Variants in RPS6KA1 observed in about 807,000 individuals in gnomAD.
RPS6KA1 encodes ribosomal protein S6 kinase alpha-1.
A neutral mutation model predicts 91.3 loss-of-function variants in RPS6KA1; 48 were observed. That is an observed-to-expected ratio of 0.53 (90% confidence interval 0.42 to 0.67). The LOEUF (loss-of-function observed/expected upper bound fraction) is 0.67, where lower values mean the gene tolerates loss of function less well. RPS6KA1 is among the 30% of genes least tolerant of loss of function. The pLI is 0.00. For synonymous variants in RPS6KA1, 359 were observed against 384.7 expected, an observed-to-expected ratio of 0.93 and a Z score of 0.78; for missense variants, 719 against 960.5, an observed-to-expected ratio of 0.75 and a Z score of 3.32.
At chr1:26,537,366 C>T (rs373250517) in intron 2 of RPS6KA1, among the ~76,000 whole-genome samples, 28 of 152,302 alleles carry the variant, frequency 1.8e-4, no homozygotes, top group East Asian at 1.5e-3. Flanking sequence ...CATCTGGGCA[C>T]GTGAGCTGGA....
chr1:26,542,188 C>T (rs911504471), intron 2 of RPS6KA1, among the ~76,000 whole-genome samples: 1 of 152,240 alleles, frequency 6.6e-6, no homozygotes, highest in Non-Finnish European at 1.5e-5. Flanking sequence ...ACCTCTCTAC[C>T]TTCTTTGCAT....
chr1:26,569,840 C>A (rs1173900138), intron 17 of RPS6KA1, among the ~76,000 whole-genome samples: 8 of 152,174 alleles, frequency 5.3e-5, no homozygotes, highest in Non-Finnish European at 1.2e-4. Context: ...CCCTGGTGGC[C>A]TGAGCTCAGG....
At chr1:26,543,025 C>A in intron 2 of RPS6KA1, 1 of 922,680 alleles carries the variant, frequency 1.1e-6, no homozygotes, top group Non-Finnish European at 1.6e-6. Context: ...CCTGACCCAT[C>A]ATCTGCCCCT....
Position 26,551,024 on chromosome 1 carries a change from A to G in RPS6KA1, c.308-373A>G, listed in dbSNP as rs531494659. Among the ~76,000 whole-genome samples, 1 of 152,228 alleles carries G rather than the reference A, an allele frequency of 6.6e-6. No individual in the cohort carries two copies. Among genetic ancestry groups the G allele is most frequent in the East Asian group, 1.9e-4 (1 of 5,176 alleles). On this transcript the variant is annotated intron_variant, in intron 4 of 21. Coordinates refer to ENST00000374168, the MANE Select transcript of RPS6KA1 (RefSeq NM_002953.4). This position sits in a 1 kb window ranked among gnomAD's most constrained non-coding sequence, Gnocchi z 4.5. ...AAAGCAGAGCTGGTGAAGGCATGCC[A>G]GGGGGAGGTGCAGAGGCAAAGTCTG...
rs144464174 is a variant in RPS6KA1 at position 26,568,068 on chromosome 1, T to C, written c.1591-3381T>C. Among the ~76,000 whole-genome samples, 982 of 152,212 alleles carry C rather than the reference T, an allele frequency of 6.5e-3. 4 individuals are homozygous for C. The highest frequency in any genetic ancestry group is 9.0e-3 in the Non-Finnish European group (610 of 68,010). On this transcript the variant is annotated intron_variant, in intron 17 of 21. Coordinates refer to ENST00000374168, the MANE Select transcript of RPS6KA1 (RefSeq NM_002953.4). ...TGTTTGGCCTGCAAGATAAGGGGTG[T>C]TTTTTGATTTGAGGTATGGTTTAGT... is the stretch of plus-strand genomic sequence containing the variant.
At chr1:26,548,757 C>T (rs1300274156) in intron 4 of RPS6KA1, among the ~76,000 whole-genome samples, 13 of 151,526 alleles carry the variant, frequency 8.6e-5, no homozygotes, top group Non-Finnish European at 1.6e-4. Context: ...CGAGATCGCG[C>T]CACCATACTC....
chr1:26,562,361 A>G (rs2076160909), intron 17 of RPS6KA1, among the ~76,000 whole-genome samples: 2 of 152,234 alleles, frequency 1.3e-5, no homozygotes, highest in Admixed American at 6.5e-5. Flanking sequence ...GAAGAATGGA[A>G]GAATTTCAGA....
chr1:26,572,367 T>C, intron 20 of RPS6KA1, 74 bp downstream of exon 20: 2 of 939,078 alleles, frequency 2.1e-6, no homozygotes, highest in East Asian at 4.8e-5. Context: ...TTTCAGCAGT[T>C]CATGAACAGC....
chr1:26,574,594 C>A lies in RPS6KA1; in HGVS notation c.*393C>A, dbSNP rs186868052. ...AGCTTTGGGATCCCACCCTGGGGAC[C>A]CCCACGATTGGCCACCTGTAGCCAT... On this transcript the variant is annotated 3_prime_UTR_variant, in exon 22 of 22. Coordinates refer to ENST00000374168, the MANE Select transcript of RPS6KA1 (RefSeq NM_002953.4). This position sits in a 1 kb window ranked among gnomAD's most constrained non-coding sequence, Gnocchi z 4.3. 5 of 397,208 alleles carry A rather than the reference C, an allele frequency of 1.3e-5. No individual in the cohort carries two copies. The highest frequency in any genetic ancestry group is 6.2e-5 in the African/African-American group (3 of 48,146). The allele number at this position is 397,208 out of a possible 1,614,324, so 24.6% of individuals were successfully genotyped here. A position where few individuals can be genotyped will look rare whatever the true frequency, so the allele number is the denominator to read the frequency against.
In RPS6KA1 at chr1:26,573,377, G is replaced by A. The variant is rs752794091; in HGVS notation, c.2085+16G>A. ...GCTTGTGAAGGTATGGCCACCCTTGGGCTGCTGGGCATCTGGGGGGTCAGC... is the reference window on the plus strand; with the variant it reads ...GCTTGTGAAGGTATGGCCACCCTTGAGCTGCTGGGCATCTGGGGGGTCAGC... On this transcript the variant is annotated intron_variant, in intron 21 of 21. Coordinates refer to ENST00000374168, the MANE Select transcript of RPS6KA1 (RefSeq NM_002953.4). 123 of 1,613,846 alleles carry A rather than the reference G, an allele frequency of 7.6e-5. No individual in the cohort carries two copies. Among genetic ancestry groups the A allele is most frequent in the Non-Finnish European group, 1.0e-4 (121 of 1,179,956 alleles).
chr1:26,549,465 A>C (rs1052237417), intron 4 of RPS6KA1, among the ~76,000 whole-genome samples: 2 of 152,028 alleles, frequency 1.3e-5, no homozygotes, highest in African/African-American at 4.8e-5. Context: ...GCTACTCAGG[A>C]GGCTGAGGCA....
At position 26,551,591 on chromosome 1, in the gene RPS6KA1, A is replaced by G; in HGVS notation, c.389-53A>G. The stretch of plus-strand genomic sequence containing the variant: ...AGGCCAAGGGAGCCAGGGCCGGAGA[A>G]GCAGATCATAAGGCCGCGCCGACTC... On this transcript the variant is annotated intron_variant, in intron 5 of 21. Coordinates refer to ENST00000374168, the MANE Select transcript of RPS6KA1 (RefSeq NM_002953.4). The surrounding 1 kb of genome is among the most constrained non-coding windows in gnomAD (Gnocchi z 4.5). The G allele has an allele frequency of 6.2e-7, 1 of 1,601,978 alleles. No homozygotes were observed. Among genetic ancestry groups the G allele is most frequent in the Non-Finnish European group, 8.6e-7 (1 of 1,168,962 alleles).
At position 26,554,541 on chromosome 1, in the gene RPS6KA1, G is replaced by A. The variant is rs757621834; in HGVS notation, c.614-55G>A. 5 of 1,563,800 alleles carry A rather than the reference G, an allele frequency of 3.2e-6. No homozygotes were observed. The South Asian group carries it at 3.5e-5, about 11-fold the overall frequency. On this transcript the variant is annotated intron_variant, in intron 8 of 21. Transcript: ENST00000374168. This position sits in a 1 kb window ranked among gnomAD's most constrained non-coding sequence, Gnocchi z 4.6. ...CACGGGGGTTGGGTGTGCAAAGGGT[G>A]GCAGCAAGGAAGGCAGGGGTCCTAA...
At position 26,551,820 on chromosome 1, in the gene RPS6KA1, C is replaced by G; in HGVS notation, c.468+97C>G. Reference sequence around the variant, plus strand: ...CCTGTACAGAATGTGTTTGGTATGGCTTGAACCTGGAACCACCCAGGCCTG... The same window carrying G: ...CCTGTACAGAATGTGTTTGGTATGGGTTGAACCTGGAACCACCCAGGCCTG... On this transcript the variant is annotated intron_variant, in intron 6 of 21. Transcript: ENST00000374168. The surrounding 1 kb of genome is among the most constrained non-coding windows in gnomAD (Gnocchi z 4.5). The G allele has an allele frequency of 8.8e-7, 1 of 1,137,640 alleles. No individual in the cohort carries two copies. Among genetic ancestry groups the G allele is most frequent in the Non-Finnish European group, 1.3e-6 (1 of 760,118 alleles). The allele number at this position is 1,137,640 out of a possible 1,614,324, so 70.5% of individuals were successfully genotyped here. A position where few individuals can be genotyped will look rare whatever the true frequency, so the allele number is the denominator to read the frequency against.
At position 26,556,642 on chromosome 1, in the gene RPS6KA1, G is replaced by A. The variant is rs1254173711; in HGVS notation, c.917-12G>A. 2.5e-6 allele frequency: 4 copies of A among 1,614,094 alleles called. No homozygotes were observed. In the South Asian group the frequency reaches 4.4e-5, roughly 18 times the overall value. On this transcript the variant is annotated splice_polypyrimidine_tract_variant and intron_variant, in intron 11 of 21. Coordinates refer to ENST00000374168, the MANE Select transcript of RPS6KA1 (RefSeq NM_002953.4). The stretch of plus-strand genomic sequence containing the variant: ...CCAGCCAGGGACAGACCCTTCATTT[G>A]GGCTCTTTCAGGCTCCGGCCCTGAT...
chr1:26,543,429 CT>C (rs1222010154), intron 2 of RPS6KA1, among the ~76,000 whole-genome samples: 13 of 152,212 alleles, frequency 8.5e-5, no homozygotes, highest in Admixed American at 6.5e-4. Flanking sequence ...GCTTGGCCCC[CT>C]CTTAGTCCCT....
Position 26,558,910 on chromosome 1 carries a change from G to T in RPS6KA1, c.1188G>T (p.Pro396=). Residue 396 remains proline (P), a synonymous_variant, in exon 14 of 22, where the codon CCG becomes CCT. Transcript: ENST00000374168. The surrounding 1 kb of genome is among the most constrained non-coding windows in gnomAD (Gnocchi z 4.0). ...AAGACGACGGCAAGCCTCGTGCCCC[G>T]CAGGCACCCCTGCACTCGGTGGTAC... The part of the protein sequence containing the change: ...LMEDDGKPRA[P]QAPLHSVVQQ... 1 of 1,613,486 alleles carries T rather than the reference G, an allele frequency of 6.2e-7. No homozygotes were observed. The highest frequency in any genetic ancestry group is 8.5e-7 in the Non-Finnish European group (1 of 1,179,548).
rs760171028 is a variant in RPS6KA1 at position 26,554,711 on chromosome 1, G to A, written c.729G>A (p.Ala243=). Residue 243 remains alanine (A), a synonymous_variant, in exon 9 of 22, where the codon GCG becomes GCA. Coordinates refer to ENST00000374168, the MANE Select transcript of RPS6KA1 (RefSeq NM_002953.4). This position sits in a 1 kb window ranked among gnomAD's most constrained non-coding sequence, Gnocchi z 4.6. The part of the protein sequence containing the change: ...VVNRQGHSHS[A]DWWSYGVLMF... ...ACCGCCAGGGCCACTCCCATAGTGC[G>A]GACTGGTGGTCCTATGGGGTGTTGA... 29 of 1,610,118 alleles carry A rather than the reference G, an allele frequency of 1.8e-5. No individual in the cohort carries two copies. Among genetic ancestry groups the A allele is most frequent in the African/African-American group, 2.7e-5 (2 of 74,810 alleles).
intron 17 of RPS6KA1, among the ~76,000 whole-genome samples, chr1:26,565,782 G>A (rs145098385): frequency 1.1e-4 from 17 of 151,996 alleles, no homozygotes; most frequent in African/African-American, 3.4e-4. Flanking sequence ...GGCTGGTCTC[G>A]ACCTCCTGAC....
Sources: gnomAD v4.1 joint callset for allele counts (sites outside exome capture counted in the v4.1 genomes callset) on GRCh38, gnomAD v4.1.1 for gene constraint, Gnocchi (gnomAD v3.1) non-coding constraint, MANE v1.5 for transcripts, NCBI Gene and HGNC (gene_info 2026-07-23, HGNC 2026-07-21) for gene names.